The following TRPM6 variants were observed in gnomAD, a reference collection of about 807,000 sequenced individuals.
The protein encoded by TRPM6 is channel kinase 2.
TRPM6 carries 111 observed loss-of-function variants against 247.6 expected under a neutral mutation model. The observed-to-expected ratio is 0.45, with a 90% CI of 0.38 to 0.52. The LOEUF is 0.52. Ranked by LOEUF, TRPM6 falls within the 20% of genes least tolerant of loss-of-function variation. The probability of loss-of-function intolerance (pLI) is 0.00; values close to 1 mark genes in which losing one functional copy is unlikely to be tolerated. For synonymous variants in TRPM6, 892 were observed against 853.8 expected (o/e 1.04, Z -0.78); for missense variants, 2,126 against 2,421.5 (o/e 0.88, Z 2.56).
In TRPM6 at chr9:74,763,057, T is replaced by C; in HGVS notation, c.3614A>G (p.Asp1205Gly). The part of the protein sequence containing the change: ...SFIKDSLLSL[D>G]SQVGHLQDLS... ...ATCCTGCAGGTGTCCCACCTGGCTG[T>C]CCAAAGACAGTAAGGAGTCCTTTAT... The change falls in exon 26 of 39, where the codon GAC (aspartate) becomes GGC (glycine). Residue 1205 changes from aspartate to glycine, a missense_variant. This residue lies in a region of TRPM6 where 717 missense variants were observed against 715.9 expected (regional missense o/e 1.00). Coordinates refer to ENST00000360774, the MANE Select transcript of TRPM6 (RefSeq NM_017662.5). 6 of 1,614,154 alleles carry C rather than the reference T, an allele frequency of 3.7e-6. No homozygotes were observed. Among genetic ancestry groups the C allele is most frequent in the Non-Finnish European group, 5.1e-6 (6 of 1,180,006 alleles).
intron 17 of TRPM6, among the ~76,000 whole-genome samples, chr9:74,799,524 T>C (rs1326296415): frequency 7.4e-6 from 1 of 135,258 alleles, no homozygotes; most frequent in Admixed American, 7.2e-5. Flanking sequence ...AGTCACTTAT[T>C]CTCTCAAAAA....
rs1387431948 is a variant in TRPM6, at chr9:74,827,893, G to T, written c.726C>A (p.Asn242Lys). ...ACAGGATGAAGTGCGAGTGCATGCT[G>T]TTGAGTGTTGTGAGCTTGCTGAGGG... Reference protein sequence around the residue: ...DNPLSKLTTLNSMHSHFILSD... With the variant: ...DNPLSKLTTLKSMHSHFILSD... Residue 242 changes from asparagine to lysine, a missense_variant, in exon 7 of 39, where the codon AAC becomes AAA. Physicochemically the swap from Asn to Lys is moderately conservative, Grantham distance 94. This residue lies in a region of TRPM6 where 1,082 missense variants were observed against 1,307.9 expected (regional missense o/e 0.83). Coordinates refer to ENST00000360774, the MANE Select transcript of TRPM6 (RefSeq NM_017662.5). The T allele has an allele frequency of 4.3e-6, 7 of 1,614,158 alleles. No homozygotes were observed. Among genetic ancestry groups the T allele is most frequent in the Non-Finnish European group, 5.1e-6 (6 of 1,180,030 alleles).
chr9:74,740,023 T>A lies in TRPM6; in HGVS notation c.5201-14A>T, dbSNP rs1825811814. The A allele has an allele frequency of 6.2e-7, 1 of 1,613,046 alleles. No homozygotes were observed. Among genetic ancestry groups the A allele is most frequent in the East Asian group, 2.2e-5 (1 of 44,834 alleles). On this transcript the variant is annotated splice_polypyrimidine_tract_variant and intron_variant, in intron 33 of 38. Coordinates refer to ENST00000360774, the MANE Select transcript of TRPM6 (RefSeq NM_017662.5). ...TTTCTTCTCCTGCTGCAAAGAGAAG[T>A]GAAGGCTAGGAATTCAATAAGATTG...
chr9:74,865,861 T>C (rs1830828960), intron 1 of TRPM6, among the ~76,000 whole-genome samples: 1 of 152,194 alleles, frequency 6.6e-6, no homozygotes, highest in Admixed American at 6.5e-5. Flanking sequence ...GGCCTTGAAC[T>C]CCTAGGATCA....
chr9:74,780,803 A>G (rs138844737), intron 23 of TRPM6, among the ~76,000 whole-genome samples: 1 of 152,342 alleles, frequency 6.6e-6, no homozygotes, highest in Non-Finnish European at 1.5e-5. Context: ...CTCCATGTAC[A>G]GAATCATGGT....
In TRPM6 at chr9:74,802,020, C is replaced by A; in HGVS notation, c.1887G>T (p.Gln629His). The change falls in exon 16 of 39, where the codon CAG becomes CAT. Residue 629 changes from glutamine (Q) to histidine (H), a missense_variant. Transcript: ENST00000360774. Reference sequence around the variant, plus strand: ...CTTTAACCGTGGCCTCCTCTCCATGCTGCCAGAAGAACATAGCCATCTTCT... The same window carrying A: ...CTTTAACCGTGGCCTCCTCTCCATGATGCCAGAAGAACATAGCCATCTTCT... The part of the protein sequence containing the change: ...KRQKMAMFFW[Q>H]HGEEATVKAV... The A allele has an allele frequency of 6.2e-7, 1 of 1,614,210 alleles. No individual in the cohort carries two copies. Among genetic ancestry groups the A allele is most frequent in the South Asian group, 1.1e-5 (1 of 91,080 alleles).
chr9:74,846,791 C>T (rs558733620), intron 3 of TRPM6, among the ~76,000 whole-genome samples: 10 of 152,282 alleles, frequency 6.6e-5, no homozygotes, highest in Non-Finnish European at 1.2e-4. Flanking sequence ...TCAGGTGATC[C>T]ACCCACTTCG....
intron 27 of TRPM6, among the ~76,000 whole-genome samples, chr9:74,761,451 T>G (rs540061034): frequency 6.6e-6 from 1 of 152,338 alleles, no homozygotes; most frequent in East Asian, 1.9e-4. Context: ...TGTGTATGCC[T>G]GTAGTCCCAG....
At position 74,752,372 on chromosome 9, in the gene TRPM6, GT is replaced by G; in HGVS notation, c.4907-5del. ...TGATGTATGTAAGGTTCTACACCTT[GT>G]AAAGAGGAAGAGAAAGATTAGAAAA... is the stretch of plus-strand genomic sequence containing the variant. On this transcript the variant is annotated splice_region_variant and splice_polypyrimidine_tract_variant and intron_variant, in intron 28 of 38. Coordinates refer to ENST00000360774, the MANE Select transcript of TRPM6 (RefSeq NM_017662.5). 1.3e-6 allele frequency: 2 copies of G among 1,492,302 alleles called. No individual in the cohort carries two copies. Among genetic ancestry groups the G allele is most frequent in the South Asian group, 1.2e-5 (1 of 86,328 alleles). 92.4% of individuals were successfully genotyped at this position (1,492,302 alleles called of 1,614,324 possible). A position where few individuals can be genotyped will look rare whatever the true frequency, so the allele number is the denominator to read the frequency against.
chr9:74,804,522 G>C (rs1228299027), intron 14 of TRPM6: 15 of 721,096 alleles, frequency 2.1e-5, no homozygotes, highest in African/African-American at 5.2e-5. Context: ...GATTGAAAAA[G>C]AAGAGCAGGC....
In TRPM6 at chr9:74,762,608, G is replaced by T; in HGVS notation, c.4063C>A (p.Pro1355Thr). ...GGCAAGACAGTTTCTGCTGAAAAAG[G>T]AACTCGCTTTAGATTAGAGGGGACC... ...LLVPSNLKRV[P>T]FSAETVLPLS... Residue 1355 changes from proline to threonine, a missense_variant, in exon 26 of 39, where the codon CCT becomes ACT. Physicochemically the swap from Pro to Thr is conservative, Grantham distance 38. This residue lies in a region of TRPM6 where 717 missense variants were observed against 715.9 expected (regional missense o/e 1.00). Transcript: ENST00000360774. 1 of 1,614,176 alleles carries T rather than the reference G, an allele frequency of 6.2e-7. No homozygotes were observed. The highest frequency in any genetic ancestry group is 8.5e-7 in the Non-Finnish European group (1 of 1,180,034).
Position 74,858,113 on chromosome 9 carries a change from G to T in TRPM6, c.113+556C>A, listed in dbSNP as rs559383458. Among the ~76,000 whole-genome samples, 16 of 152,248 alleles carry T rather than the reference G, an allele frequency of 1.1e-4. No homozygotes were observed. In the East Asian group the frequency reaches 1.2e-3, roughly 11 times the overall value. On this transcript the variant is annotated intron_variant, in intron 2 of 38. Transcript: ENST00000360774. ...TAAATTCCTTAAACAGATATTTATC[G>T]CTCGGTGGCTCACGCCTGTAATCCC...
intron 4 of TRPM6, among the ~76,000 whole-genome samples, 197 bp downstream of exon 4, chr9:74,841,969 G>A (rs563980795): frequency 6.6e-6 from 1 of 152,252 alleles, no homozygotes; most frequent in South Asian, 2.1e-4. Context: ...AAATTAGCCA[G>A]GAGTGGTGGC....
intron 24 of TRPM6, among the ~76,000 whole-genome samples, chr9:74,774,009 C>A (rs1437696859): frequency 1.3e-5 from 2 of 152,138 alleles, no homozygotes; most frequent in Non-Finnish European, 2.9e-5. Context: ...TGAGAGCAAA[C>A]AATCCAGAGT....
chr9:74,808,110 A>G lies in TRPM6; in HGVS notation c.1562T>C (p.Ile521Thr), dbSNP rs771250269. The G allele has an allele frequency of 1.5e-5, 25 of 1,613,862 alleles. No individual in the cohort carries two copies. The highest frequency in any genetic ancestry group is 5.3e-5 in the African/African-American group (4 of 74,904). ...IDIGLVVEYLIGRAYRSNYTR... is the reference protein window; with the variant it reads ...IDIGLVVEYLTGRAYRSNYTR... ...GTAGTTGCTGCGATATGCTCTACCA[A>G]TGAGGTATTCTACTACTAATCCAAT... Residue 521 changes from isoleucine to threonine, a missense_variant, in exon 14 of 39, where the codon ATT becomes ACT. Physicochemically the swap from Ile to Thr is moderately conservative, Grantham distance 89. Coordinates refer to ENST00000360774, the MANE Select transcript of TRPM6 (RefSeq NM_017662.5).
intron 25 of TRPM6, among the ~76,000 whole-genome samples, chr9:74,765,658 C>A (rs1826804062): frequency 6.6e-6 from 1 of 152,144 alleles, no homozygotes; most frequent in African/African-American, 2.4e-5. Flanking sequence ...TATCTGGGGG[C>A]AGGGAGAAGT....
intron 23 of TRPM6, among the ~76,000 whole-genome samples, chr9:74,781,848 C>T (rs1292094548): frequency 1.3e-5 from 2 of 152,158 alleles, no homozygotes; most frequent in African/African-American, 4.8e-5. Flanking sequence ...TCTGCGGGTT[C>T]CACATCTGTG....
rs530525128 is a variant in TRPM6, at chr9:74,752,443, A to G, written c.4907-75T>C. On this transcript the variant is annotated intron_variant, in intron 28 of 38. Transcript: ENST00000360774. Reference sequence around the variant, plus strand: ...TTCAAATCACAGTTCCCAAATAGAAAAATCTGAACACAGTACATTCATTTA... The same window carrying G: ...TTCAAATCACAGTTCCCAAATAGAAGAATCTGAACACAGTACATTCATTTA... 1.4e-5 allele frequency: 12 copies of G among 841,024 alleles called. No homozygotes were observed. The East Asian group carries it at 2.6e-4, about 19-fold the overall frequency. The allele number at this position is 841,024 out of a possible 1,614,324, so 52.1% of individuals were successfully genotyped here. A position where few individuals can be genotyped will look rare whatever the true frequency, so the allele number is the denominator to read the frequency against.
At chr9:74,803,288 A>C (rs573989078) in intron 15 of TRPM6, among the ~76,000 whole-genome samples, 41 of 137,212 alleles carry the variant, frequency 3.0e-4, no homozygotes, top group Admixed American at 2.8e-3. Flanking sequence ...GAGGAATAAC[A>C]ATGTTGTACA....
Sources: allele counts gnomAD v4.1 joint callset (sites outside exome capture counted in the v4.1 genomes callset), GRCh38; gene constraint gnomAD v4.1.1; regional missense constraint gnomAD v4.1.1; transcripts MANE v1.5; gene names NCBI Gene and HGNC (gene_info 2026-07-23, HGNC 2026-07-21).